EML4: variants seen among roughly 807,000 people sequenced by gnomAD.
The protein encoded by EML4 is EMAP like 4.
A neutral mutation model predicts 129.0 loss-of-function variants in EML4; 72 were observed. The observed-to-expected ratio is 0.56, with a 90% CI of 0.46 to 0.68. EML4 has a LOEUF of 0.68. EML4 is among the 30% of genes least tolerant of loss of function. The probability of loss-of-function intolerance (pLI) is 0.00; values close to 1 mark genes in which losing one functional copy is unlikely to be tolerated. For missense variants in EML4, 1,363 were observed against 1,190.6 expected (o/e 1.14, Z -2.13); for synonymous variants, 532 against 405.0 (o/e 1.31, Z -3.77).
Position 42,332,126 on chromosome 2 carries a change from C to T in EML4, c.*1919C>T, listed in dbSNP as rs560240566. Reference sequence around the variant, plus strand: ...ATACTCCCTGCAAGAAATATACTGACATGAACAGGCAGTTCTTGGAGAAGA... The same window carrying T: ...ATACTCCCTGCAAGAAATATACTGATATGAACAGGCAGTTCTTGGAGAAGA... On this transcript the variant is annotated 3_prime_UTR_variant, in exon 23 of 23. Transcript: ENST00000318522. 23 of 221,216 alleles carry T rather than the reference C, an allele frequency of 1.0e-4. 1 individual carries two copies. In the Middle Eastern group the frequency reaches 5.7e-3, roughly 55 times the overall value. The allele number at this position is 221,216 out of a possible 1,614,324, so 13.7% of individuals were successfully genotyped here.
intron 19 of EML4, among the ~76,000 whole-genome samples, chr2:42,324,190 G>A (rs906663010): frequency 1.8e-4 from 28 of 152,146 alleles, no homozygotes; most frequent in African/African-American, 5.3e-4. Flanking sequence ...AGCTACTCAG[G>A]AGGCTGAGGC....
rs769782438 is a variant in EML4, at chr2:42,320,295, C to T, written c.2154+2771C>T. 4.0e-5 allele frequency among the ~76,000 whole-genome samples: 6 copies of T among 151,484 alleles called. No individual in the cohort carries two copies. The East Asian group carries it at 1.2e-3, about 29-fold the overall frequency. On this transcript the variant is annotated intron_variant, in intron 19 of 22. Coordinates refer to ENST00000318522, the MANE Select transcript of EML4 (RefSeq NM_019063.5). ...CTGGAGTCCAGGAGTTTGACACCAGCCTGGGCAATTAACCAAGACCCTGTC... is the reference window on the plus strand; with the variant it reads ...CTGGAGTCCAGGAGTTTGACACCAGTCTGGGCAATTAACCAAGACCCTGTC...
intron 6 of EML4, among the ~76,000 whole-genome samples, chr2:42,276,669 C>T (rs1350716539): frequency 6.6e-6 from 1 of 152,122 alleles, no homozygotes; most frequent in Non-Finnish European, 1.5e-5. Context: ...AGTGTGATGT[C>T]TTATTTAATC....
chr2:42,256,376 TA>T, intron 2 of EML4, 124 bp from the exon 3 acceptor site: 2 of 880,150 alleles, frequency 2.3e-6, no homozygotes, highest in Non-Finnish European at 1.7e-6. Context: ...TCAAGAGTTA[TA>T]AACAATAATA....
At chr2:42,301,156 G>A (rs1668264499) in intron 13 of EML4, 85 bp from the exon 14 acceptor site, 4 of 1,184,170 alleles carry the variant, frequency 3.4e-6, no homozygotes, top group African/African-American at 1.6e-5. Flanking sequence ...ATTAACTCTA[G>A]TTCTACTGAA....
intron 1 of EML4, among the ~76,000 whole-genome samples, chr2:42,191,708 C>T (rs1342213638): frequency 6.6e-6 from 1 of 152,178 alleles, no homozygotes; most frequent in East Asian, 1.9e-4. Flanking sequence ...GTATTATGCT[C>T]AGTTCTCTTT....
chr2:42,270,522 C>CTTTTGGCTCCAGGCACA (rs1666307196), intron 6 of EML4, among the ~76,000 whole-genome samples: 1 of 152,196 alleles, frequency 6.6e-6, no homozygotes, highest in Non-Finnish European at 1.5e-5. Flanking sequence ...GTTTTCTGAC[C>CTTTTGGCTCCAGGCACA]TTTTGGCTCC....
At chr2:42,180,660 A>T (rs1670882013) in intron 1 of EML4, among the ~76,000 whole-genome samples, 2 of 152,214 alleles carry the variant, frequency 1.3e-5, no homozygotes, top group South Asian at 4.1e-4. Flanking sequence ...TCACCCTCTA[A>T]CATTTTAGTG....
chr2:42,303,849 C>T (rs1361778983), intron 16 of EML4, among the ~76,000 whole-genome samples: 1 of 152,228 alleles, frequency 6.6e-6, no homozygotes, highest in South Asian at 2.1e-4. Context: ...GGCATGAACC[C>T]GGGAGGCGGA....
intron 1 of EML4, among the ~76,000 whole-genome samples, chr2:42,234,152 T>G (rs539806552): frequency 6.6e-6 from 1 of 152,364 alleles, no homozygotes; most frequent in South Asian, 2.1e-4. Flanking sequence ...TCCCCTTTTA[T>G]AAAATAGAAC....
At chr2:42,289,173 A>G (rs1667477289) in intron 11 of EML4, 1 of 152,260 alleles carries the variant, frequency 6.6e-6, no homozygotes, top group Admixed American at 6.5e-5. Flanking sequence ...TTTAAAAAAC[A>G]TAAATGAAGA....
intron 2 of EML4, among the ~76,000 whole-genome samples, chr2:42,252,774 T>G (rs1239412412): frequency 6.6e-6 from 1 of 152,174 alleles, no homozygotes. Context: ...ATTTCTTTCT[T>G]ATTCTTTAAG....
At position 42,200,664 on chromosome 2, in the gene EML4, TC is replaced by T. The variant is rs572579261; in HGVS notation, c.25+31029del. On this transcript the variant is annotated intron_variant, in intron 1 of 22. Transcript: ENST00000318522. ...ACTTTCTTTGTAGAGACAGTAATCC[TC>T]AAGTTCAGCAGTTTGACTCTAAATA... 2.0e-4 allele frequency among the ~76,000 whole-genome samples: 30 copies of T among 152,354 alleles called. No homozygotes were observed. The South Asian group carries it at 6.0e-3, about 31-fold the overall frequency.
At chr2:42,293,724 C>A (rs1039733500) in intron 11 of EML4, among the ~76,000 whole-genome samples, 2 of 152,188 alleles carry the variant, frequency 1.3e-5, no homozygotes, top group African/African-American at 4.8e-5. Context: ...CAATTCTCTG[C>A]CTCAGCCTCC....
chr2:42,259,287 T>C (rs1254441255), intron 3 of EML4, among the ~76,000 whole-genome samples: 1 of 151,530 alleles, frequency 6.6e-6, no homozygotes, highest in African/African-American at 2.4e-5. Context: ...AGAAAAGAAA[T>C]AGGCATTTAG....
intron 1 of EML4, among the ~76,000 whole-genome samples, chr2:42,188,335 C>G (rs994094647): frequency 6.6e-6 from 1 of 152,166 alleles, no homozygotes; most frequent in Non-Finnish European, 1.5e-5. Flanking sequence ...GATCCTCCCA[C>G]TCACCTCGCG....
Position 42,307,480 on chromosome 2 carries a change from G to C in EML4, c.1967+2929G>C, listed in dbSNP as rs567602083. ...CTGTCTTTGGTTTCAGATCTGGTTA[G>C]GTTCTGTTGATCCTTGGGGAACTTT... is the stretch of plus-strand genomic sequence containing the variant. On this transcript the variant is annotated intron_variant, in intron 17 of 22. Coordinates refer to ENST00000318522, the MANE Select transcript of EML4 (RefSeq NM_019063.5). Among the ~76,000 whole-genome samples, 3 of 152,184 alleles carry C rather than the reference G, an allele frequency of 2.0e-5. No homozygotes were observed. In the South Asian group the frequency reaches 6.2e-4, roughly 32 times the overall value.
At chr2:42,175,184 C>G (rs2103802505) in intron 1 of EML4, among the ~76,000 whole-genome samples, 1 of 152,016 alleles carries the variant, frequency 6.6e-6, no homozygotes, top group Non-Finnish European at 1.5e-5. Context: ...ACCATGTTGG[C>G]TCACTGCAGC....
At position 42,330,439 on chromosome 2, in the gene EML4, C is replaced by T; in HGVS notation, c.*232C>T. ...ACTTAATACTAGGAGAAGACTGAAT[C>T]ATTAATGATGTCTCACAAATTACTG... On this transcript the variant is annotated 3_prime_UTR_variant, in exon 23 of 23. Transcript: ENST00000318522. The T allele has an allele frequency of 1.7e-6, 1 of 597,632 alleles. No homozygotes were observed. The allele number at this position is 597,632 out of a possible 1,614,324, so 37.0% of individuals were successfully genotyped here.
Sources: gnomAD v4.1 joint callset for allele counts (sites outside exome capture counted in the v4.1 genomes callset) on GRCh38, gnomAD v4.1.1 for gene constraint, MANE v1.5 for transcripts, NCBI Gene and HGNC (gene_info 2026-07-23, HGNC 2026-07-21) for gene names.